The following FKBP1B variants were observed in gnomAD, a reference collection of about 807,000 sequenced individuals.
The protein encoded by FKBP1B is FKBP prolyl isomerase 1B, also known as peptidyl-prolyl cis-trans isomerase FKBP1B.
FKBP1B carries 4 observed loss-of-function variants against 13.5 expected under a neutral mutation model. The ratio of observed to expected loss-of-function variants is 0.30; its 90% CI spans 0.15 to 0.68. FKBP1B has a LOEUF of 0.68. Ranked by LOEUF, FKBP1B falls within the 30% of genes least tolerant of loss-of-function variation. The pLI is 0.76. For missense variants in FKBP1B, 93 were observed against 136.2 expected (o/e 0.68, Z 1.58); for synonymous variants, 54 against 53.6 (o/e 1.01, Z -0.03).
the FKBP1B span, among the ~76,000 whole-genome samples, chr2:24,042,923 C>G: frequency 1.3e-5 from 2 of 151,174 alleles, no homozygotes; most frequent in Non-Finnish European, 2.9e-5. Flanking sequence ...ATTCCAGCTA[C>G]TCAGGAGGCT....
chr2:24,034,184 G>A, the FKBP1B span, among the ~76,000 whole-genome samples: 2 of 152,224 alleles, frequency 1.3e-5, no homozygotes, highest in Non-Finnish European at 2.9e-5. Context: ...ACTTTGGAAG[G>A]CCAAGGCGGG....
At chr2:24,053,270 C>T (rs1445750016) in intron 1 of FKBP1B, among the ~76,000 whole-genome samples, 2 of 150,748 alleles carry the variant, frequency 1.3e-5, no homozygotes, top group African/African-American at 4.9e-5. Flanking sequence ...CGGCACCACA[C>T]CCAGCTAATT....
chr2:24,038,135 G>A, the FKBP1B span: 1 of 1,614,154 alleles, frequency 6.2e-7, no homozygotes, highest in South Asian at 1.1e-5. Flanking sequence ...TTATTTAACG[G>A]AGCACTGAAA....
the FKBP1B span, chr2:24,038,018 T>C: frequency 1.3e-5 from 21 of 1,614,084 alleles, no homozygotes; most frequent in Admixed American, 1.7e-5. Flanking sequence ...ATAAGTGTTC[T>C]TCCAGGCCTT....
the FKBP1B span, chr2:24,038,354 G>C: frequency 6.2e-7 from 1 of 1,614,092 alleles, no homozygotes; most frequent in Non-Finnish European, 8.5e-7. Context: ...TTCTCTAATC[G>C]AATTTGCTGG....
chr2:24,038,917 C>T, the FKBP1B span: 3 of 1,614,230 alleles, frequency 1.9e-6, no homozygotes, highest in South Asian at 1.1e-5. Context: ...GGAGGAGCAC[C>T]TGTGAAGAGT....
At chr2:24,034,615 C>T in the FKBP1B span, among the ~76,000 whole-genome samples, 1 of 149,270 alleles carries the variant, frequency 6.7e-6, no homozygotes, top group African/African-American at 2.5e-5. Context: ...GCTCTGTTTC[C>T]CAGGCTGGCG....
At position 24,052,841 on chromosome 2, in the gene FKBP1B, T is replaced by A. The variant is rs142057807; in HGVS notation, c.38-1061T>A. Among the ~76,000 whole-genome samples, 1,038 of 152,118 alleles carry A rather than the reference T, an allele frequency of 6.8e-3. 9 individuals carry two copies. The highest frequency in any genetic ancestry group is 0.024 in the African/African-American group (978 of 41,478). On this transcript the variant is annotated intron_variant, in intron 1 of 3. Coordinates refer to ENST00000380986, the MANE Select transcript of FKBP1B (RefSeq NM_004116.5). ...AAAAAATTAGCTGGGCATGGCAGCA[T>A]GCACTTGCAGTACTAGCTACTCAGA...
At chr2:24,039,430 G>C in the FKBP1B span, 1 of 1,614,210 alleles carries the variant, frequency 6.2e-7, no homozygotes, top group East Asian at 2.2e-5. Context: ...GCCATGGATC[G>C]GATGCACTGC....
intron 2 of FKBP1B, among the ~76,000 whole-genome samples, chr2:24,058,309 T>C (rs1664231110): frequency 6.6e-6 from 1 of 152,220 alleles, no homozygotes; most frequent in African/African-American, 2.4e-5. Flanking sequence ...ATGATTCATC[T>C]GGAATTGATT....
chr2:24,045,311 G>A (rs1428305509), upstream of FKBP1B, among the ~76,000 whole-genome samples: 1 of 152,124 alleles, frequency 6.6e-6, no homozygotes, highest in African/African-American at 2.4e-5. Flanking sequence ...AGGCAAGGAA[G>A]GCAGGGCAGG....
At chr2:24,046,137 G>A (rs1216223724), upstream of FKBP1B, among the ~76,000 whole-genome samples, 1 of 151,918 alleles carries the variant, frequency 6.6e-6, no homozygotes, top group African/African-American at 2.4e-5. Context: ...GGGGCAGTAG[G>A]GGAGGAACGT....
intron 2 of FKBP1B, among the ~76,000 whole-genome samples, chr2:24,060,212 C>G (rs941160710): frequency 6.6e-6 from 1 of 152,038 alleles, no homozygotes; most frequent in Non-Finnish European, 1.5e-5. Flanking sequence ...GGAGGTTGTT[C>G]CTGTGTACAG....
intron 2 of FKBP1B, 98 bp from the exon 3 acceptor site, chr2:24,060,716 T>C: frequency 1.2e-6 from 1 of 808,754 alleles, no homozygotes; most frequent in Middle Eastern, 2.3e-4. Context: ...GAGGAGCAGG[T>C]GTGTGCAGAA....
the FKBP1B span, among the ~76,000 whole-genome samples, chr2:24,034,910 T>C: frequency 8.5e-3 from 1,287 of 152,134 alleles, 10 homozygotes; most frequent in South Asian, 0.038. Context: ...TTTAAAAATA[T>C]AAAATTTTAC....
chr2:24,042,893 C>CGTGGT, the FKBP1B span, among the ~76,000 whole-genome samples: 1 of 133,214 alleles, frequency 7.5e-6, no homozygotes, highest in African/African-American at 2.8e-5. Context: ...ATTAGCTGGG[C>CGTGGT]GTGGTGGCAC....
chr2:24,039,689 T>C, the FKBP1B span, among the ~76,000 whole-genome samples: 6 of 152,334 alleles, frequency 3.9e-5, no homozygotes, highest in South Asian at 8.3e-4. Flanking sequence ...ATGCAATGTA[T>C]ATACTTTGGA....
At chr2:24,057,416 C>T (rs928264667) in intron 2 of FKBP1B, among the ~76,000 whole-genome samples, 7 of 151,946 alleles carry the variant, frequency 4.6e-5, no homozygotes, top group African/African-American at 1.7e-4. Flanking sequence ...TATCGTTGCC[C>T]AGGCTGGAGT....
At chr2:24,034,194 G>A in the FKBP1B span, among the ~76,000 whole-genome samples, 2 of 152,108 alleles carry the variant, frequency 1.3e-5, no homozygotes, top group African/African-American at 4.8e-5. Flanking sequence ...GCCAAGGCGG[G>A]TGGATCACTT....
Sources: allele counts gnomAD v4.1 joint callset (sites outside exome capture counted in the v4.1 genomes callset), GRCh38; gene constraint gnomAD v4.1.1; transcripts MANE v1.5; gene names NCBI Gene and HGNC (gene_info 2026-07-23, HGNC 2026-07-21).